The following PRIM2 variants were observed in gnomAD, a reference collection of about 807,000 sequenced individuals.
PRIM2 encodes the protein DNA primase subunit 2, also known as DNA primase large subunit.
In PRIM2, 39 loss-of-function variants were observed where a neutral mutation model predicts 67.3. The observed-to-expected ratio is 0.58, with a 90% confidence interval of 0.45 to 0.76. The LOEUF is 0.76. Among genes scored for constraint, PRIM2 ranks in the 30% least tolerant of loss-of-function variants. The pLI is 0.00. For synonymous variants in PRIM2, 143 were observed against 198.7 expected, an observed-to-expected ratio of 0.72 and a Z score of 2.36; for missense variants, 398 against 598.7, an observed-to-expected ratio of 0.66 and a Z score of 3.50.
In PRIM2 at chr6:57,368,253, C is replaced by A. The variant is rs1160966041; in HGVS notation, c.460-11648C>A. Among the ~76,000 whole-genome samples the A allele has an allele frequency of 5.3e-5, 8 of 150,926 alleles. No individual in the cohort carries two copies. In the South Asian group the frequency reaches 8.4e-4, roughly 16 times the overall value. ...TTTTCCTGGGATATGCTGTTTAGAC[C>A]AGTGATGTATGTCGAACCACTAATG... is the stretch of plus-strand genomic sequence containing the variant. On this transcript the variant is annotated intron_variant, in intron 5 of 13. Transcript: ENST00000615550.
Position 57,320,510 on chromosome 6 carries a change from T to C in PRIM2, c.208T>C (p.Tyr70His), listed in dbSNP as rs1767617884. Residue 70 changes from tyrosine (Y) to histidine (H), a missense_variant, in exon 3 of 14, where the codon TAC becomes CAC. By Grantham distance (83) the Tyr-to-His change is moderately conservative. Coordinates refer to ENST00000615550, the MANE Select transcript of PRIM2 (RefSeq NM_000947.5). ...GAGCTATGTGAAAGGAACTGAACAA[T>C]ACCAGAGTAAGTTGGAGAGTGAGCT... ...GVSYVKGTEQ[Y>H]QSKLESELRK... 1 of 1,610,884 alleles carries C rather than the reference T, an allele frequency of 6.2e-7. No individual in the cohort carries two copies. The highest frequency in any genetic ancestry group is 8.5e-7 in the Non-Finnish European group (1 of 1,179,260).
intron 10 of PRIM2, among the ~76,000 whole-genome samples, chr6:57,563,510 C>T (rs1330236473): frequency 3.3e-5 from 5 of 152,072 alleles, no homozygotes; most frequent in East Asian, 3.9e-4. Context: ...CATAAGGTTA[C>T]GTACTGATAT....
intron 10 of PRIM2, among the ~76,000 whole-genome samples, chr6:57,569,734 A>G (rs1407393875): frequency 6.6e-6 from 1 of 152,020 alleles, no homozygotes; most frequent in East Asian, 1.9e-4. Context: ...TTTTTATTTC[A>G]GTTCTTACCC....
At chr6:57,640,201 ACT>A (rs1236127033) in intron 13 of PRIM2, among the ~76,000 whole-genome samples, 2 of 151,990 alleles carry the variant, frequency 1.3e-5, no homozygotes, top group African/African-American at 4.8e-5. Flanking sequence ...CATGCTAAAA[ACT>A]CTCAATAAAC....
chr6:57,487,621 A>T (rs1429677012), intron 7 of PRIM2, among the ~76,000 whole-genome samples: 1 of 152,260 alleles, frequency 6.6e-6, no homozygotes, highest in East Asian at 1.9e-4. Flanking sequence ...TAACTTGTAG[A>T]GGAAACATTT....
At chr6:57,623,836 GT>G (rs1776900367) in intron 12 of PRIM2, among the ~76,000 whole-genome samples, 1 of 151,814 alleles carries the variant, frequency 6.6e-6, no homozygotes, top group Non-Finnish European at 1.5e-5. Context: ...TGTATTTCTT[GT>G]TAAAGTTTCT....
intron 5 of PRIM2, among the ~76,000 whole-genome samples, chr6:57,366,260 A>G (rs1769354702): frequency 1.3e-5 from 2 of 152,196 alleles, no homozygotes; most frequent in African/African-American, 4.8e-5. Context: ...CATAGAAGTG[A>G]AAGAAAGACA....
intron 13 of PRIM2, among the ~76,000 whole-genome samples, chr6:57,632,404 T>C (rs1282986654): frequency 0.74 from 111,734 of 151,808 alleles, 41,889 homozygotes; most frequent in African/African-American, 0.89. Context: ...TATTTTGTAA[T>C]TAGGAGAAGC....
At chr6:57,374,644 G>C (rs556396970) in intron 5 of PRIM2, among the ~76,000 whole-genome samples, 1 of 152,106 alleles carries the variant, frequency 6.6e-6, no homozygotes, top group African/African-American at 2.4e-5. Context: ...AGGCTGGACT[G>C]CAGTGGCGCG....
intron 12 of PRIM2, among the ~76,000 whole-genome samples, chr6:57,613,888 G>A (rs1244245097): frequency 6.6e-6 from 1 of 151,874 alleles, no homozygotes; most frequent in Non-Finnish European, 1.5e-5. Context: ...TTTCGCTCTT[G>A]TCACCCAGGC....
intron 7 of PRIM2, among the ~76,000 whole-genome samples, chr6:57,453,005 G>A (rs1772611499): frequency 6.6e-6 from 1 of 152,074 alleles, no homozygotes; most frequent in African/African-American, 2.4e-5. Flanking sequence ...TCTACATATG[G>A]CTAGCCAGTT....
At chr6:57,635,848 C>T (rs1777112918) in intron 13 of PRIM2, among the ~76,000 whole-genome samples, 1 of 152,216 alleles carries the variant, frequency 6.6e-6, no homozygotes, top group Non-Finnish European at 1.5e-5. Context: ...AATTCTTTCT[C>T]CTCCACACAG....
chr6:57,332,231 T>C (rs1035823013), intron 5 of PRIM2, among the ~76,000 whole-genome samples: 2 of 152,170 alleles, frequency 1.3e-5, no homozygotes, highest in Non-Finnish European at 2.9e-5. Flanking sequence ...TTTGAGAATA[T>C]ATTTTATATG....
chr6:57,612,025 T>C (rs1229785404), intron 12 of PRIM2, among the ~76,000 whole-genome samples: 1 of 152,206 alleles, frequency 6.6e-6, no homozygotes, highest in East Asian at 1.9e-4. Context: ...AATTTAAAAC[T>C]ACAATGAATA....
chr6:57,583,610 A>C lies in PRIM2; in HGVS notation c.1021-17483A>C, dbSNP rs1383590159. On this transcript the variant is annotated intron_variant, in intron 10 of 13. Coordinates refer to ENST00000615550, the MANE Select transcript of PRIM2 (RefSeq NM_000947.5). The stretch of plus-strand genomic sequence containing the variant: ...TTTGGGTTGGTTCCAAGTCTTTGCT[A>C]TTGTGAATAATGCCGCAATAAACAT... Among the ~76,000 whole-genome samples, 101 of 151,362 alleles carry C rather than the reference A, an allele frequency of 6.7e-4. 3 individuals carry two copies. The highest frequency in any genetic ancestry group is 4.4e-3 in the South Asian group (21 of 4,784).
At chr6:57,538,473 T>C (rs1234241283) in intron 10 of PRIM2, among the ~76,000 whole-genome samples, 1 of 152,228 alleles carries the variant, frequency 6.6e-6, no homozygotes, top group Non-Finnish European at 1.5e-5. Flanking sequence ...GGAAATATGA[T>C]TTCTTGCCCC....
Position 57,318,554 on chromosome 6 carries a change from A to AT in PRIM2, c.110dup (p.Ser38IlefsTer6). The AT allele has an allele frequency of 6.3e-7, 1 of 1,586,002 alleles. No homozygotes were observed. Among genetic ancestry groups the AT allele is most frequent in the Non-Finnish European group, 8.6e-7 (1 of 1,164,600 alleles). On this transcript the variant is annotated frameshift_variant, in exon 2 of 14. Coordinates refer to ENST00000615550, the MANE Select transcript of PRIM2 (RefSeq NM_000947.5). LOFTEE classifies it high-confidence loss of function. ...TTACTTGCAGCCACCTTCTGAAAAC[A>AT]TATCTTTAATAGAATTTGAAAACTT...
chr6:57,613,998 C>A (rs1776709424), intron 12 of PRIM2, among the ~76,000 whole-genome samples: 2 of 152,064 alleles, frequency 1.3e-5, no homozygotes, highest in Non-Finnish European at 2.9e-5. Context: ...GTGGAAGGAA[C>A]CATTGTCTTC....
At chr6:57,336,474 C>T (rs914971339) in intron 5 of PRIM2, among the ~76,000 whole-genome samples, 1 of 152,172 alleles carries the variant, frequency 6.6e-6, no homozygotes. Context: ...GTTGGGTTAC[C>T]CTCAAAGGGA....
Sources: allele counts gnomAD v4.1 joint callset (sites outside exome capture counted in the v4.1 genomes callset), GRCh38; gene constraint gnomAD v4.1.1; transcripts MANE v1.5; gene names NCBI Gene and HGNC (gene_info 2026-07-23, HGNC 2026-07-21).